MTMR4: variants seen among roughly 807,000 people sequenced by gnomAD.
MTMR4 encodes myotubularin related protein 4.
Under a neutral mutation model 125.5 loss-of-function variants are expected in MTMR4, and 30 were observed. The ratio of observed to expected loss-of-function variants is 0.24; its 90% CI spans 0.18 to 0.32. MTMR4 has a LOEUF of 0.32. Among genes scored for constraint, MTMR4 ranks in the 10% least tolerant of loss-of-function variants. The pLI, the probability that MTMR4 is intolerant of heterozygous loss-of-function variation, is 1.00. For synonymous variants in MTMR4, 498 were observed against 564.5 expected (o/e 0.88, Z 1.67); for missense variants, 1,039 against 1,511.5 (o/e 0.69, Z 5.18).
At chr17:58,516,656 C>A, upstream of MTMR4, 1 of 1,561,638 alleles carries the variant, frequency 6.4e-7, no homozygotes, top group Non-Finnish European at 8.8e-7. Context: ...TAAAGGACCC[C>A]ATTAACATTA....
At chr17:58,497,396 C>A (rs1256662357) in intron 14 of MTMR4, among the ~76,000 whole-genome samples, 1 of 152,104 alleles carries the variant, frequency 6.6e-6, no homozygotes, top group Non-Finnish European at 1.5e-5. Flanking sequence ...TTCCTGGAGT[C>A]CCATAGGCAG....
At chr17:58,516,056 C>T (rs1170105818), upstream of MTMR4, among the ~76,000 whole-genome samples, 1 of 152,212 alleles carries the variant, frequency 6.6e-6, no homozygotes, top group Non-Finnish European at 1.5e-5. Context: ...ATATTCTGGG[C>T]ACCCTGAAGA....
chr17:58,498,966 G>A (rs1975546189), intron 14 of MTMR4, among the ~76,000 whole-genome samples: 1 of 151,932 alleles, frequency 6.6e-6, no homozygotes, highest in African/African-American at 2.4e-5. Flanking sequence ...TCTTTGCCAG[G>A]GACTCTTCCC....
rs1975801667 is a variant in MTMR4 at position 58,507,189 on chromosome 17, T to C, written c.838A>G (p.Arg280Gly). ...AKACALDPGTRATGGSLSTGN... is the reference protein window; with the variant it reads ...AKACALDPGTGATGGSLSTGN... Reference sequence around the variant, plus strand: ...GTGCTGAGGGAGCCCCCAGTGGCCCTTGTCCCCGGGTCCAGGGCACAGGCT... The same window carrying C: ...GTGCTGAGGGAGCCCCCAGTGGCCCCTGTCCCCGGGTCCAGGGCACAGGCT... The change falls in exon 8 of 18, where the codon AGG becomes GGG. Residue 280 changes from arginine (R) to glycine (G), a missense_variant. Coordinates refer to ENST00000682306, the MANE Select transcript of MTMR4 (RefSeq NM_001378067.1). The C allele has an allele frequency of 6.2e-7, 1 of 1,614,154 alleles. No homozygotes were observed.
intron 7 of MTMR4, 163 bp downstream of exon 7, chr17:58,507,998 T>C (rs1297764274): frequency 5.2e-6 from 3 of 579,738 alleles, no homozygotes; most frequent in Non-Finnish European, 9.2e-6. Flanking sequence ...AATAGCCTTA[T>C]TCTTAGGAGA....
In MTMR4 at chr17:58,508,083, T is replaced by G; in HGVS notation, c.707+78A>C. 1 of 1,062,776 alleles carries G rather than the reference T, an allele frequency of 9.4e-7. No homozygotes were observed. Among genetic ancestry groups the G allele is most frequent in the East Asian group, 2.4e-5 (1 of 42,106 alleles). 65.8% of individuals were successfully genotyped at this position (1,062,776 alleles called of 1,614,324 possible). On this transcript the variant is annotated intron_variant, in intron 7 of 17. Coordinates refer to ENST00000682306, the MANE Select transcript of MTMR4 (RefSeq NM_001378067.1). The surrounding 1 kb of genome is among the most constrained non-coding windows in gnomAD (Gnocchi z 4.8). ...AGTGTCAATTCTCAGTCAACCAGGT[T>G]ACCCAAAATCTCCAATTTTGACTCT...
At chr17:58,507,097 G>A (rs200006092) in intron 8 of MTMR4, 26 bp downstream of exon 8, 2 of 1,613,294 alleles carry the variant, frequency 1.2e-6, no homozygotes, top group Non-Finnish European at 1.7e-6. Flanking sequence ...CTGCTCCCTG[G>A]GGGGTTAGCA....
At chr17:58,511,281 C>G (rs1169311526) in intron 4 of MTMR4, 148 bp downstream of exon 4, 3 of 739,676 alleles carry the variant, frequency 4.1e-6, no homozygotes, top group East Asian at 5.3e-5. Flanking sequence ...AAACTGACCT[C>G]CCAACCCAGA....
chr17:58,516,477 G>C, upstream of MTMR4: 4 of 1,240,302 alleles, frequency 3.2e-6, no homozygotes, highest in Non-Finnish European at 4.8e-6. Context: ...AGCTGAACAG[G>C]GTAGCCTGGA....
At position 58,512,297 on chromosome 17, in the gene MTMR4, T is replaced by C. The variant is rs1975953371; in HGVS notation, c.252+93A>G. 8.4e-7 allele frequency: 1 copy of C among 1,183,660 alleles called. No homozygotes were observed. Among genetic ancestry groups the C allele is most frequent in the South Asian group, 1.3e-5 (1 of 78,886 alleles). 73.3% of individuals were successfully genotyped at this position (1,183,660 alleles called of 1,614,324 possible). ...CACTGCGCCCGGCCTCCAACTTTTTTAATGACATGATCAAGGACAGCCTTG... is the reference window on the plus strand; with the variant it reads ...CACTGCGCCCGGCCTCCAACTTTTTCAATGACATGATCAAGGACAGCCTTG... On this transcript the variant is annotated intron_variant, in intron 3 of 17. Coordinates refer to ENST00000682306, the MANE Select transcript of MTMR4 (RefSeq NM_001378067.1). The surrounding 1 kb of genome is among the most constrained non-coding windows in gnomAD (Gnocchi z 4.1).
In MTMR4 at chr17:58,514,354, G is replaced by C; in HGVS notation, c.45+9C>G. 1 of 988,214 alleles carries C rather than the reference G, an allele frequency of 1.0e-6. No homozygotes were observed. Among genetic ancestry groups the C allele is most frequent in the Non-Finnish European group, 1.2e-6 (1 of 831,004 alleles). 61.2% of individuals were successfully genotyped at this position (988,214 alleles called of 1,614,324 possible). On this transcript the variant is annotated intron_variant, in intron 1 of 17. Coordinates refer to ENST00000682306, the MANE Select transcript of MTMR4 (RefSeq NM_001378067.1). ...CTCCTAGGCCCCCAAAGGCAGGGTGGGCACTTACGAAGCAGCTAAGCATGG... is the reference window on the plus strand; with the variant it reads ...CTCCTAGGCCCCCAAAGGCAGGGTGCGCACTTACGAAGCAGCTAAGCATGG...
intron 14 of MTMR4, among the ~76,000 whole-genome samples, chr17:58,498,725 C>A (rs1399082966): frequency 6.6e-6 from 1 of 152,162 alleles, no homozygotes. Context: ...TACAACACAC[C>A]TCCTTCTTTG....
chr17:58,508,853 G>C lies in MTMR4; in HGVS notation c.336-12C>G. On this transcript the variant is annotated splice_polypyrimidine_tract_variant and intron_variant, in intron 4 of 17. Transcript: ENST00000682306. This position sits in a 1 kb window ranked among gnomAD's most constrained non-coding sequence, Gnocchi z 4.8. ...TGGAGAAGTGGCACCTGCCAGGCAA[G>C]AAGCCACAGGCCTAGGTGAGGCAAA... 1 of 1,610,606 alleles carries C rather than the reference G, an allele frequency of 6.2e-7. No homozygotes were observed. The highest frequency in any genetic ancestry group is 1.1e-5 in the South Asian group (1 of 91,014).
At position 58,512,336 on chromosome 17, in the gene MTMR4, T is replaced by G; in HGVS notation, c.252+54A>C. On this transcript the variant is annotated intron_variant, in intron 3 of 17. Coordinates refer to ENST00000682306, the MANE Select transcript of MTMR4 (RefSeq NM_001378067.1). This position sits in a 1 kb window ranked among gnomAD's most constrained non-coding sequence, Gnocchi z 4.1. ...AGGACAGCCTTGGAACAATCCCACC[T>G]TGAACTTCATAGGGATTCTAGCTTA... 1 of 1,454,774 alleles carries G rather than the reference T, an allele frequency of 6.9e-7. No homozygotes were observed. Among genetic ancestry groups the G allele is most frequent in the South Asian group, 1.1e-5 (1 of 87,698 alleles). 90.1% of individuals were successfully genotyped at this position (1,454,774 alleles called of 1,614,324 possible).
Position 58,495,089 on chromosome 17 carries a change from G to C in MTMR4, c.3095C>G (p.Thr1032Arg), listed in dbSNP as rs372587197. The C allele has an allele frequency of 1.2e-6, 2 of 1,614,074 alleles. No individual in the cohort carries two copies. Among genetic ancestry groups the C allele is most frequent in the African/African-American group, 2.7e-5 (2 of 74,920 alleles). ...CCGTAACCTATGCTGGATCACATCC[G>C]TGGGAAAGGGGAGTCCATCATCATC... ...YLDDDGLPFP[T>R]DVIQHRLRQI... Residue 1032 changes from threonine to arginine, a missense_variant, in exon 15 of 18, where the codon ACG becomes AGG. Thr to Arg is a moderately conservative substitution (Grantham distance 71, BLOSUM62 -1). Around this residue, in one of 6 missense-constraint regions of MTMR4, gnomAD observed 619 missense variants for 714.5 expected, o/e 0.87. Transcript: ENST00000682306.
At chr17:58,516,524 G>C, upstream of MTMR4, 1 of 1,601,900 alleles carries the variant, frequency 6.2e-7, no homozygotes, top group Non-Finnish European at 8.6e-7. Context: ...GCTTCACAGA[G>C]AAAGACACAT....
At chr17:58,501,894 A>G (rs896608114) in intron 14 of MTMR4, among the ~76,000 whole-genome samples, 3 of 151,860 alleles carry the variant, frequency 2.0e-5, no homozygotes, top group Admixed American at 6.6e-5. Flanking sequence ...CCCCGTCTCT[A>G]CTACAAATAC....
At chr17:58,513,142 T>G (rs1313485988) in intron 1 of MTMR4, among the ~76,000 whole-genome samples, 1 of 152,060 alleles carries the variant, frequency 6.6e-6, no homozygotes, top group African/African-American at 2.4e-5. Context: ...CTATTAAGCC[T>G]AAGGAAAGAG....
chr17:58,496,826 T>C (rs1975480414), intron 14 of MTMR4, among the ~76,000 whole-genome samples: 1 of 152,240 alleles, frequency 6.6e-6, no homozygotes, highest in Non-Finnish European at 1.5e-5. Flanking sequence ...AGATACTTGG[T>C]TTCTCCCTTT....
Sources: gnomAD v4.1 joint callset for allele counts (sites outside exome capture counted in the v4.1 genomes callset) on GRCh38, gnomAD v4.1.1 for gene constraint, gnomAD v4.1.1 regional missense constraint, Gnocchi (gnomAD v3.1) non-coding constraint, MANE v1.5 for transcripts, NCBI Gene and HGNC (gene_info 2026-07-23, HGNC 2026-07-21) for gene names.